The following ST6GALNAC3 variants were observed in gnomAD, a reference collection of about 807,000 sequenced individuals.
The protein encoded by ST6GALNAC3 is alpha-N-acetylgalactosaminide alpha-2,6-sialyltransferase 3.
A neutral mutation model predicts 32.7 loss-of-function variants in ST6GALNAC3; 25 were observed. The observed-to-expected ratio is 0.76, with a 90% CI of 0.56 to 1.07. The LOEUF is 1.07. Ranked by LOEUF, ST6GALNAC3 falls within the 50% of genes least tolerant of loss-of-function variation. ST6GALNAC3 has a pLI of 0.00. For missense variants in ST6GALNAC3, 355 were observed against 382.4 expected (o/e 0.93, Z 0.60); for synonymous variants, 129 against 133.1 (o/e 0.97, Z 0.21).
chr1:76,180,901 G>A (rs1653136570), intron 1 of ST6GALNAC3, among the ~76,000 whole-genome samples: 1 of 152,230 alleles, frequency 6.6e-6, no homozygotes, highest in Non-Finnish European at 1.5e-5. Flanking sequence ...CTGGACAAGA[G>A]CTCAGGATAT....
At chr1:76,571,134 T>C (rs1570317148) in intron 3 of ST6GALNAC3, among the ~76,000 whole-genome samples, 1 of 152,140 alleles carries the variant, frequency 6.6e-6, no homozygotes, top group East Asian at 1.9e-4. Context: ...TTACACCAGA[T>C]ATTATCTATT....
At chr1:76,384,299 T>C (rs1651931956) in intron 2 of ST6GALNAC3, among the ~76,000 whole-genome samples, 1 of 152,072 alleles carries the variant, frequency 6.6e-6, no homozygotes, top group Admixed American at 6.6e-5. Context: ...AAATAAAAGA[T>C]GCCATGACAT....
intron 2 of ST6GALNAC3, among the ~76,000 whole-genome samples, chr1:76,345,636 C>T (rs760437424): frequency 5.9e-4 from 90 of 152,222 alleles, no homozygotes; most frequent in Non-Finnish European, 7.2e-4. Context: ...ATGTTTTCTC[C>T]TCCATGATCC....
chr1:76,251,676 G>C (rs1464119604), intron 1 of ST6GALNAC3, among the ~76,000 whole-genome samples: 1 of 152,100 alleles, frequency 6.6e-6, no homozygotes, highest in Admixed American at 6.6e-5. Flanking sequence ...GTAGACTTCT[G>C]TTATGATTCT....
chr1:76,120,047 G>C (rs1390716182), intron 1 of ST6GALNAC3, among the ~76,000 whole-genome samples: 1 of 152,260 alleles, frequency 6.6e-6, no homozygotes, highest in Non-Finnish European at 1.5e-5. Context: ...ATGTGCAATG[G>C]ACACATGAAC....
intron 3 of ST6GALNAC3, among the ~76,000 whole-genome samples, chr1:76,600,994 C>T (rs1647217644): frequency 6.6e-6 from 1 of 152,014 alleles, no homozygotes. Flanking sequence ...CCAGCCTGGG[C>T]AACATGGTGA....
chr1:76,415,690 A>G (rs1258100873), intron 3 of ST6GALNAC3, among the ~76,000 whole-genome samples: 1 of 151,922 alleles, frequency 6.6e-6, no homozygotes, highest in Admixed American at 6.6e-5. Context: ...TTTTTTGTAC[A>G]TATTCCGAGG....
At chr1:76,122,445 C>T (rs80282196) in intron 1 of ST6GALNAC3, among the ~76,000 whole-genome samples, 3,897 of 152,146 alleles carry the variant, frequency 0.026, 119 homozygotes, top group Admixed American at 0.072. Flanking sequence ...AACAAGTGAA[C>T]AGCTCTCTCT....
chr1:76,579,012 A>G (rs1474084999), intron 3 of ST6GALNAC3, among the ~76,000 whole-genome samples: 3 of 152,066 alleles, frequency 2.0e-5, no homozygotes, highest in African/African-American at 7.2e-5. Flanking sequence ...ACGTATATTC[A>G]TATGATTTCA....
intron 1 of ST6GALNAC3, among the ~76,000 whole-genome samples, chr1:76,294,144 C>T (rs1042886000): frequency 2.5e-4 from 38 of 152,172 alleles, no homozygotes; most frequent in African/African-American, 8.9e-4. Flanking sequence ...TCTCATTGTT[C>T]CCACTATTCA....
At chr1:76,276,033 A>G (rs556580746) in intron 1 of ST6GALNAC3, among the ~76,000 whole-genome samples, 1 of 152,172 alleles carries the variant, frequency 6.6e-6, no homozygotes, top group African/African-American at 2.4e-5. Context: ...TTTGCAACCC[A>G]CATCTTCCAG....
chr1:76,380,745 C>T (rs1651639743), intron 2 of ST6GALNAC3, among the ~76,000 whole-genome samples: 1 of 152,056 alleles, frequency 6.6e-6, no homozygotes, highest in Non-Finnish European at 1.5e-5. Flanking sequence ...GTATTTAGCA[C>T]ATTATGGAGA....
At chr1:76,275,503 G>C (rs918072840) in intron 1 of ST6GALNAC3, among the ~76,000 whole-genome samples, 5 of 152,118 alleles carry the variant, frequency 3.3e-5, no homozygotes, top group African/African-American at 1.2e-4. Flanking sequence ...TTGCTTATCT[G>C]TCACACTTGG....
At chr1:76,306,247 A>G (rs1031860328) in intron 1 of ST6GALNAC3, among the ~76,000 whole-genome samples, 2 of 152,048 alleles carry the variant, frequency 1.3e-5, no homozygotes, top group African/African-American at 2.4e-5. Flanking sequence ...TTATTCTTCC[A>G]CTTCTGCTAG....
At chr1:76,627,621 A>T (rs1216513039) in intron 4 of ST6GALNAC3, 62 bp downstream of exon 4, 2 of 1,122,362 alleles carry the variant, frequency 1.8e-6, no homozygotes, top group Non-Finnish European at 2.7e-6. Context: ...AAAATATCAC[A>T]ATTCATTTTA....
intron 3 of ST6GALNAC3, among the ~76,000 whole-genome samples, chr1:76,447,484 T>A (rs1653370482): frequency 6.6e-6 from 1 of 152,108 alleles, no homozygotes. Context: ...TTTGCATAAG[T>A]AACAAGGAGC....
intron 1 of ST6GALNAC3, among the ~76,000 whole-genome samples, chr1:76,267,279 T>A (rs1405387057): frequency 6.6e-6 from 1 of 152,234 alleles, no homozygotes; most frequent in Non-Finnish European, 1.5e-5. Flanking sequence ...CTAAGCTTCG[T>A]GGACTTTGTC....
intron 2 of ST6GALNAC3, among the ~76,000 whole-genome samples, chr1:76,391,026 A>T (rs1169306305): frequency 6.8e-6 from 1 of 146,996 alleles, no homozygotes; most frequent in Non-Finnish European, 1.5e-5. Flanking sequence ...TGCACGCTCC[A>T]CCTCCCAGGA....
At chr1:76,181,855 ATCATT>A (rs1653200560) in intron 1 of ST6GALNAC3, among the ~76,000 whole-genome samples, 2 of 152,216 alleles carry the variant, frequency 1.3e-5, no homozygotes, top group Admixed American at 1.3e-4. Flanking sequence ...GTATGTATAA[ATCATT>A]TCAACAGAAA....
Sources: allele counts gnomAD v4.1 joint callset (sites outside exome capture counted in the v4.1 genomes callset), GRCh38; gene constraint gnomAD v4.1.1; transcripts MANE v1.5; gene names NCBI Gene and HGNC (gene_info 2026-07-23, HGNC 2026-07-21).